Variants in IQGAP3 observed in about 807,000 individuals in gnomAD.
The protein encoded by IQGAP3 is IQ motif containing GTPase activating protein 3.
Under a neutral mutation model 208.2 loss-of-function variants are expected in IQGAP3, and 165 were observed. The observed-to-expected ratio is 0.79, with a 90% confidence interval of 0.70 to 0.90. The LOEUF is 0.90. IQGAP3 is among the 40% of genes least tolerant of loss of function. The pLI is 0.00. For synonymous variants in IQGAP3, 703 were observed against 803.6 expected (o/e 0.87, Z 2.12); for missense variants, 1,811 against 2,043.1 (o/e 0.89, Z 2.19).
intron 23 of IQGAP3, 24 bp downstream of exon 23, chr1:156,540,684 G>GCTC (rs1471722945): frequency 1.1e-5 from 18 of 1,591,540 alleles, no homozygotes; most frequent in Non-Finnish European, 1.6e-5. Flanking sequence ...ATCTCGGGGA[G>GCTC]GGGAGGACTG....
rs539497425 is a variant in IQGAP3 at position 156,527,116 on chromosome 1, C to A, written c.4783-517G>T. Among the ~76,000 whole-genome samples, 8 of 151,366 alleles carry A rather than the reference C, an allele frequency of 5.3e-5. No homozygotes were observed. In the East Asian group the frequency reaches 1.2e-3, roughly 22 times the overall value. ...AAAGTGCTGGGATTACAGGCGTGAG[C>A]CACTGCACCCGGCCAAAATCATTTT... On this transcript the variant is annotated intron_variant, in intron 37 of 37. Coordinates refer to ENST00000361170, the MANE Select transcript of IQGAP3 (RefSeq NM_178229.5).
In IQGAP3 at chr1:156,540,769, T is replaced by C; in HGVS notation, c.2678A>G (p.Gln893Arg). 1 of 1,614,178 alleles carries C rather than the reference T, an allele frequency of 6.2e-7. No homozygotes were observed. Residue 893 changes from glutamine (Q) to arginine (R), a missense_variant, in exon 23 of 38, where the codon CAG becomes CGG. Physicochemically the swap from Gln to Arg is conservative, Grantham distance 43 (BLOSUM62 1). Transcript: ENST00000361170. ...RKIRSNQQLE[Q>R]DLNIMDIKIG... ...CTTGATGTCCATGATGTTGAGGTCC[T>C]GCTCCAGCTGCTGATTGGATCGGAT...
At position 156,548,387 on chromosome 1, in the gene IQGAP3, G is replaced by C; in HGVS notation, c.2094C>G (p.Cys698Trp). Reference sequence around the variant, plus strand: ...GGGTCAGGTGAGAGGTGTTGAGGGGGCAGCCAGGAGGTTGCTCCCAGATCC... The same window carrying C: ...GGGTCAGGTGAGAGGTGTTGAGGGGCCAGCCAGGAGGTTGCTCCCAGATCC... ...FQGIWEQPPG[C>W]PLNTSHLTRE... The change falls in exon 18 of 38, where the codon TGC becomes TGG. Residue 698 changes from cysteine to tryptophan, a missense_variant. Transcript: ENST00000361170. 6.2e-7 allele frequency: 1 copy of C among 1,613,978 alleles called. No individual in the cohort carries two copies. Among genetic ancestry groups the C allele is most frequent in the Non-Finnish European group, 8.5e-7 (1 of 1,179,978 alleles).
chr1:156,566,336 G>T, intron 3 of IQGAP3, 54 bp downstream of exon 3: 2 of 1,569,760 alleles, frequency 1.3e-6, no homozygotes, highest in South Asian at 1.1e-5. Flanking sequence ...CAGCTTTGAG[G>T]AGAAAGCATA....
chr1:156,530,282 C>A lies in IQGAP3; in HGVS notation c.4227G>T (p.Gln1409His). 6.2e-7 allele frequency: 1 copy of A among 1,611,064 alleles called. No individual in the cohort carries two copies. Among genetic ancestry groups the A allele is most frequent in the Non-Finnish European group, 8.5e-7 (1 of 1,179,952 alleles). The change falls in exon 34 of 38, where the codon CAG (glutamine) becomes CAT (histidine). Residue 1409 changes from glutamine (Q) to histidine (H), a missense_variant. Physicochemically the swap from Gln to His is conservative, Grantham distance 24. Transcript: ENST00000361170. Reference protein sequence around the residue: ...AAHKQLMSRRQACTAQTPEPL... With the variant: ...AAHKQLMSRRHACTAQTPEPL... ...GCTCCGGTGTCTGGGCTGTACAGGC[C>A]TGGCGTCGGCTCATCAGCTGCTTGT...
intron 27 of IQGAP3, among the ~76,000 whole-genome samples, chr1:156,535,692 C>T (rs1674655028): frequency 6.6e-6 from 1 of 152,206 alleles, no homozygotes; most frequent in Non-Finnish European, 1.5e-5. Flanking sequence ...ACCTTGTCAG[C>T]TGTCACAGAG....
At chr1:156,537,104 A>G in intron 27 of IQGAP3, 77 bp downstream of exon 27, 2 of 1,481,730 alleles carry the variant, frequency 1.3e-6, no homozygotes, top group Admixed American at 3.7e-5. Context: ...CAGGACTATC[A>G]CCCTGCTCTG....
chr1:156,539,929 A>G lies in IQGAP3; in HGVS notation c.2801T>C (p.Met934Thr). Residue 934 changes from methionine to threonine, a missense_variant, in exon 24 of 38, where the codon ATG becomes ACG. Physicochemically the swap from Met to Thr is moderately conservative, Grantham distance 81. Coordinates refer to ENST00000361170, the MANE Select transcript of IQGAP3 (RefSeq NM_178229.5). ...KRNKEQLSDM[M>T]VLDKQKGLKS... ...TAAACCCTTCTGCTTGTCCAGAACC[A>G]TCATATCTGACAGCTGTTCCTTATT... 6.2e-7 allele frequency: 1 copy of G among 1,614,016 alleles called. No homozygotes were observed. Among genetic ancestry groups the G allele is most frequent in the Non-Finnish European group, 8.5e-7 (1 of 1,179,988 alleles).
intron 24 of IQGAP3, 76 bp from the exon 25 acceptor site, chr1:156,539,613 C>T (rs1472316169): frequency 9.5e-6 from 14 of 1,478,850 alleles, no homozygotes; most frequent in Admixed American, 1.8e-5. Context: ...AAAGGCTTTC[C>T]CCTGATGGAA....
chr1:156,562,810 G>A, intron 8 of IQGAP3, 145 bp from the exon 9 acceptor site: 1 of 771,516 alleles, frequency 1.3e-6, no homozygotes, highest in Non-Finnish European at 2.2e-6. Context: ...GGAATTGTGG[G>A]GTCTAAAACA....
chr1:156,553,939 G>A (rs529505034), intron 13 of IQGAP3, among the ~76,000 whole-genome samples: 2 of 152,332 alleles, frequency 1.3e-5, no homozygotes, highest in South Asian at 4.1e-4. Flanking sequence ...TTTGACAAGA[G>A]CAGAAAGTGT....
intron 11 of IQGAP3, 55 bp from the exon 12 acceptor site, chr1:156,556,748 A>C: frequency 1.3e-5 from 19 of 1,431,384 alleles, no homozygotes; most frequent in East Asian, 2.6e-5. Flanking sequence ...TGGCATCTCC[A>C]CTCTCCTCAC....
intron 1 of IQGAP3, among the ~76,000 whole-genome samples, chr1:156,571,480 C>A (rs897575102): frequency 6.6e-6 from 1 of 152,198 alleles, no homozygotes; most frequent in Non-Finnish European, 1.5e-5. Context: ...CACACACACA[C>A]CCCTCCAAAT....
intron 2 of IQGAP3, 139 bp from the exon 3 acceptor site, chr1:156,566,685 C>T (rs1433658102): frequency 2.6e-6 from 2 of 783,422 alleles, no homozygotes; most frequent in African/African-American, 3.5e-5. Flanking sequence ...ACCTCCAACT[C>T]CCTTCTCTGC....
intron 1 of IQGAP3, 124 bp downstream of exon 1, chr1:156,572,369 C>G: frequency 9.6e-7 from 1 of 1,040,924 alleles, no homozygotes; most frequent in Non-Finnish European, 1.5e-6. Flanking sequence ...TCCCACTGAG[C>G]AGTCCCACCG....
Position 156,550,577 on chromosome 1 carries a change from C to T in IQGAP3, c.1735-226G>A, listed in dbSNP as rs571277814. Among the ~76,000 whole-genome samples, 4 of 152,318 alleles carry T rather than the reference C, an allele frequency of 2.6e-5. No homozygotes were observed. The East Asian group carries it at 7.7e-4, about 29-fold the overall frequency. On this transcript the variant is annotated intron_variant, in intron 15 of 37. Transcript: ENST00000361170. ...TTATCCTATTGGGCTTTCAGGTCTA[C>T]TCGGCTTGGCCACAGCACCTCCAGA...
Position 156,539,986 on chromosome 1 carries a change from A to T in IQGAP3, c.2744T>A (p.Val915Glu). Residue 915 changes from valine to glutamate, a missense_variant, in exon 24 of 38, where the codon GTG (valine) becomes GAG (glutamate). Val to Glu is a moderately radical substitution (Grantham distance 121). Transcript: ENST00000361170. Reference protein sequence around the residue: ...LVKNRITLQEVVSHCKKLTKR... With the variant: ...LVKNRITLQEEVSHCKKLTKR... ...GGTCAGCTTCTTGCAGTGGGAGACC[A>T]CTTCCTGCAGGGGTGGAGGAGCGGG... The T allele has an allele frequency of 1.9e-6, 3 of 1,614,110 alleles. No individual in the cohort carries two copies. In the East Asian group the frequency reaches 6.7e-5, roughly 36 times the overall value.
chr1:156,553,045 G>T (rs1490344851), intron 13 of IQGAP3, among the ~76,000 whole-genome samples: 1 of 152,164 alleles, frequency 6.6e-6, no homozygotes, highest in Admixed American at 6.5e-5. Context: ...CTGCACTCCA[G>T]CCTGGGTGAC....
chr1:156,527,224 T>C (rs1571303182), intron 37 of IQGAP3, among the ~76,000 whole-genome samples: 1 of 150,886 alleles, frequency 6.6e-6, no homozygotes, highest in Admixed American at 6.6e-5. Context: ...CTCATGCCTG[T>C]AAATCCCAGC....
Sources: gnomAD v4.1 joint callset for allele counts (sites outside exome capture counted in the v4.1 genomes callset) on GRCh38, gnomAD v4.1.1 for gene constraint, MANE v1.5 for transcripts, NCBI Gene and HGNC (gene_info 2026-07-23, HGNC 2026-07-21) for gene names.